ADAMTSL3: variants seen among roughly 807,000 people sequenced by gnomAD.
The protein encoded by ADAMTSL3 is ADAMTS-like protein 3.
Under a neutral mutation model 201.7 loss-of-function variants are expected in ADAMTSL3, and 128 were observed. The ratio of observed to expected loss-of-function variants is 0.63; its 90% CI spans 0.55 to 0.73. The LOEUF (loss-of-function observed/expected upper bound fraction) is 0.73. Among genes scored for constraint, ADAMTSL3 ranks in the 30% least tolerant of loss-of-function variants. The pLI, the probability that ADAMTSL3 is intolerant of heterozygous loss-of-function variation, is 0.00. For synonymous variants in ADAMTSL3, 738 were observed against 748.4 expected, an observed-to-expected ratio of 0.99 and a Z score of 0.23; for missense variants, 1,990 against 2,119.6, an observed-to-expected ratio of 0.94 and a Z score of 1.20.
chr15:83,948,658 C>G (rs957466946), intron 19 of ADAMTSL3, among the ~76,000 whole-genome samples: 3 of 152,086 alleles, frequency 2.0e-5, no homozygotes, highest in African/African-American at 7.2e-5. Context: ...GAATCATTAT[C>G]CTACAGATTT....
intron 2 of ADAMTSL3, among the ~76,000 whole-genome samples, chr15:83,703,688 T>G (rs2061807129): frequency 6.6e-6 from 1 of 152,162 alleles, no homozygotes; most frequent in East Asian, 1.9e-4. Context: ...TAAGTCCAAT[T>G]AAACCTCTTT....
chr15:83,758,677 A>G (rs1393737585), intron 3 of ADAMTSL3, among the ~76,000 whole-genome samples: 1 of 152,164 alleles, frequency 6.6e-6, no homozygotes, highest in Non-Finnish European at 1.5e-5. Context: ...ACACCTTTTC[A>G]TCTGCTTATT....
chr15:84,034,826 G>A lies in ADAMTSL3; in HGVS notation c.4755-1947G>A, dbSNP rs28520823. ...GGCAGAAGTGGAGCCAGACTGAATA[G>A]AAGTGAGAAATTGAAAAAAGCTAGT... On this transcript the variant is annotated intron_variant, in intron 28 of 29. Coordinates refer to ENST00000286744, the MANE Select transcript of ADAMTSL3 (RefSeq NM_207517.3). Among the ~76,000 whole-genome samples, 645 of 152,280 alleles carry A rather than the reference G, an allele frequency of 4.2e-3. 4 individuals carry two copies. Among genetic ancestry groups the A allele is most frequent in the African/African-American group, 0.011 (442 of 41,558 alleles).
chr15:84,011,500 A>G (rs903508395), intron 23 of ADAMTSL3, among the ~76,000 whole-genome samples: 3 of 152,182 alleles, frequency 2.0e-5, no homozygotes, highest in African/African-American at 2.4e-5. Context: ...TTTCATGTTG[A>G]AGGAGGTCCA....
intron 2 of ADAMTSL3, among the ~76,000 whole-genome samples, chr15:83,669,569 T>G (rs1370805012): frequency 3.5e-4 from 51 of 143,924 alleles, no homozygotes; most frequent in African/African-American, 1.2e-3. Context: ...CTGGGTTCAC[T>G]CCATTCTCCT....
At chr15:84,031,746 CTAA>C (rs1181607140) in intron 28 of ADAMTSL3, among the ~76,000 whole-genome samples, 1 of 152,134 alleles carries the variant, frequency 6.6e-6, no homozygotes, top group Non-Finnish European at 1.5e-5. Context: ...TTAATCAAGC[CTAA>C]TAATATTCCA....
chr15:83,777,916 G>A (rs775824143), intron 4 of ADAMTSL3, among the ~76,000 whole-genome samples: 5 of 152,158 alleles, frequency 3.3e-5, no homozygotes, highest in African/African-American at 7.2e-5. Context: ...AACTAGTATA[G>A]GAGTGTGTAA....
chr15:83,813,839 G>T (rs2063733186), intron 5 of ADAMTSL3, among the ~76,000 whole-genome samples: 2 of 152,194 alleles, frequency 1.3e-5, no homozygotes, highest in Admixed American at 6.5e-5. Context: ...CTTATCAGGG[G>T]TATTTTGGAG....
intron 2 of ADAMTSL3, 125 bp from the exon 3 acceptor site, chr15:83,704,264 C>G (rs905406036): frequency 1.7e-5 from 25 of 1,433,126 alleles, no homozygotes; most frequent in Non-Finnish European, 2.3e-5. Flanking sequence ...AGAGAGGTCA[C>G]TTCCCTTTTT....
At position 84,025,402 on chromosome 15, in the gene ADAMTSL3, G is replaced by A. The variant is rs2068287211; in HGVS notation, c.4622G>A (p.Gly1541Asp). 1 of 1,613,882 alleles carries A rather than the reference G, an allele frequency of 6.2e-7. No individual in the cohort carries two copies. The highest frequency in any genetic ancestry group is 8.5e-7 in the Non-Finnish European group (1 of 1,179,994). ...CCTCTGGGAAGAAAACCATGTTTTG[G>A]TCATCCATGTGTTCAGTGGGAACCA... The part of the protein sequence containing the change: ...DRPLGRKPCF[G>D]HPCVQWEPGN... The change falls in exon 27 of 30, where the codon GGT becomes GAT. Residue 1541 changes from glycine to aspartate, a missense_variant. Coordinates refer to ENST00000286744, the MANE Select transcript of ADAMTSL3 (RefSeq NM_207517.3).
At chr15:83,821,925 C>T (rs2063876609) in intron 6 of ADAMTSL3, among the ~76,000 whole-genome samples, 1 of 149,998 alleles carries the variant, frequency 6.7e-6, no homozygotes, top group South Asian at 2.1e-4. Context: ...AGAGGGGCTC[C>T]TCACTTCCCA....
intron 8 of ADAMTSL3, chr15:83,863,062 A>G (rs938446545): frequency 2.0e-5 from 3 of 152,254 alleles, no homozygotes; most frequent in African/African-American, 7.2e-5. Context: ...TTCAACAAGA[A>G]GAGCTAACTA....
At chr15:83,821,235 G>A (rs2063859365) in intron 6 of ADAMTSL3, among the ~76,000 whole-genome samples, 1 of 151,112 alleles carries the variant, frequency 6.6e-6, no homozygotes, top group South Asian at 2.1e-4. Flanking sequence ...CTTACTGTCT[G>A]TCTCCCTGAG....
chr15:83,983,447 T>TCCAACAGGA lies in ADAMTSL3; in HGVS notation c.3716+104_3716+112dup. 3.4e-6 allele frequency: 3 copies of TCCAACAGGA among 881,616 alleles called. No homozygotes were observed. The East Asian group carries it at 8.2e-5, about 24-fold the overall frequency. 54.6% of individuals were successfully genotyped at this position (881,616 alleles called of 1,614,324 possible). On this transcript the variant is annotated intron_variant, in intron 21 of 29. Transcript: ENST00000286744. ...CAAATTCCTCTCCTAAGCATGTGTT[T>TCCAACAGGA]CCAACAGGATTCTTTAGGAAAGAAA...
chr15:83,829,530 G>T (rs545374728), intron 6 of ADAMTSL3, among the ~76,000 whole-genome samples: 1 of 152,204 alleles, frequency 6.6e-6, no homozygotes. Flanking sequence ...ATCTCCTTCA[G>T]TTCTGCTCTG....
chr15:83,714,885 CCT>C (rs1567093440), intron 3 of ADAMTSL3, among the ~76,000 whole-genome samples: 264 of 14,642 alleles, frequency 0.018, 2 homozygotes, highest in Non-Finnish European at 0.021. Flanking sequence ...TCCCTTCCTT[CCT>C]TCCTTCCTTC....
chr15:83,667,785 G>A (rs1277173308), intron 2 of ADAMTSL3, among the ~76,000 whole-genome samples: 6 of 151,972 alleles, frequency 3.9e-5, no homozygotes, highest in African/African-American at 1.5e-4. Flanking sequence ...ACCAAAAATT[G>A]GATTGTCCAT....
At chr15:84,010,406 T>C (rs1531683) in intron 23 of ADAMTSL3, among the ~76,000 whole-genome samples, 116,240 of 152,120 alleles carry the variant, frequency 0.76, 44,584 homozygotes, top group East Asian at 0.96. Flanking sequence ...AGAGCATTGG[T>C]ATGAATAACC....
intron 4 of ADAMTSL3, among the ~76,000 whole-genome samples, chr15:83,800,456 T>C (rs1399447597): frequency 6.6e-6 from 1 of 152,136 alleles, no homozygotes; most frequent in Non-Finnish European, 1.5e-5. Flanking sequence ...AGACCATTGC[T>C]CTACACATGG....
Sources: gnomAD v4.1 joint callset for allele counts (sites outside exome capture counted in the v4.1 genomes callset) on GRCh38, gnomAD v4.1.1 for gene constraint, MANE v1.5 for transcripts, NCBI Gene and HGNC (gene_info 2026-07-23, HGNC 2026-07-21) for gene names.